The following RIN2 variants were observed in gnomAD, a reference collection of about 807,000 sequenced individuals.
RIN2 encodes the protein RAB5 interacting protein 2.
RIN2 carries 36 observed loss-of-function variants against 78.0 expected under a neutral mutation model. The observed-to-expected ratio is 0.46, with a 90% CI of 0.35 to 0.61. The LOEUF (loss-of-function observed/expected upper bound fraction) is 0.61, where lower values mean the gene tolerates loss of function less well. RIN2 is among the 20% of genes least tolerant of loss of function. The pLI, the probability that RIN2 is intolerant of heterozygous loss-of-function variation, is 0.00. For missense variants in RIN2, 1,087 were observed against 1,159.7 expected, an observed-to-expected ratio of 0.94 and a Z score of 0.91; for synonymous variants, 466 against 466.8, an observed-to-expected ratio of 1.00 and a Z score of 0.02.
intron 8 of RIN2, among the ~76,000 whole-genome samples, chr20:19,972,186 C>G (rs531035535): frequency 6.6e-6 from 1 of 152,304 alleles, no homozygotes; most frequent in East Asian, 1.9e-4. Context: ...GTTGCACCTT[C>G]TCTTGCAACT....
chr20:19,949,479 G>C (rs73605554), intron 4 of RIN2, among the ~76,000 whole-genome samples: 1 of 152,172 alleles, frequency 6.6e-6, no homozygotes, highest in Non-Finnish European at 1.5e-5. Context: ...GACAGAGTAA[G>C]AATTTGTCAT....
intron 5 of RIN2, among the ~76,000 whole-genome samples, chr20:19,959,544 C>T (rs1303012866): frequency 1.4e-4 from 21 of 152,170 alleles, no homozygotes; most frequent in Non-Finnish European, 7.3e-5. Flanking sequence ...CATTCTTCAC[C>T]AGATACCCAA....
At chr20:19,767,957 C>T (rs1186178331) in intron 1 of RIN2, among the ~76,000 whole-genome samples, 4 of 151,312 alleles carry the variant, frequency 2.6e-5, no homozygotes, top group African/African-American at 7.3e-5. Flanking sequence ...AAGTCTCCTG[C>T]GAAACATGGA....
At chr20:19,987,132 T>C (rs2042646499) in intron 9 of RIN2, among the ~76,000 whole-genome samples, 2 of 152,260 alleles carry the variant, frequency 1.3e-5, no homozygotes, top group Non-Finnish European at 2.9e-5. Flanking sequence ...AGCTTTTTCA[T>C]TGAATAAATA....
At chr20:19,915,238 C>G (rs2039636095) in intron 3 of RIN2, among the ~76,000 whole-genome samples, 1 of 152,162 alleles carries the variant, frequency 6.6e-6, no homozygotes, top group African/African-American at 2.4e-5. Context: ...GAAGGGGAGG[C>G]AGCCAATACA....
At chr20:19,890,256 G>A (rs1386802192) in intron 3 of RIN2, among the ~76,000 whole-genome samples, 1 of 152,060 alleles carries the variant, frequency 6.6e-6, no homozygotes, top group Non-Finnish European at 1.5e-5. Flanking sequence ...AGCTTAATGA[G>A]ATAAGATTTT....
At chr20:19,993,297 C>CA (rs2042853476) in intron 11 of RIN2, among the ~76,000 whole-genome samples, 1 of 150,860 alleles carries the variant, frequency 6.6e-6, no homozygotes, top group Admixed American at 6.7e-5. Context: ...CCGTGAGTTT[C>CA]AGTCTGGGCT....
intron 1 of RIN2, among the ~76,000 whole-genome samples, chr20:19,787,544 TG>T (rs375011172): frequency 6.6e-6 from 1 of 151,754 alleles, no homozygotes; most frequent in African/African-American, 2.4e-5. Context: ...TGGAGTCAGA[TG>T]GTTTGAATCC....
chr20:19,887,090 A>G (rs933571555), intron 2 of RIN2, among the ~76,000 whole-genome samples: 17 of 151,674 alleles, frequency 1.1e-4, no homozygotes, highest in African/African-American at 3.9e-4. Flanking sequence ...CAGTGGTGCG[A>G]TCATGGCTCA....
chr20:19,975,273 T>C lies in RIN2; in HGVS notation c.1248T>C (p.Ser416=). The stretch of plus-strand genomic sequence containing the variant: ...GCACAAGGGCCCCGCCGCCCAGCTC[T>C]GAATCACGGCCCCCGTGCCATGGAG... ...GDCTRAPPPS[S]ESRPPCHGGR... Residue 416 remains serine, a synonymous_variant, in exon 9 of 13, where the codon TCT becomes TCC. Coordinates refer to ENST00000255006, the MANE Select transcript of RIN2 (RefSeq NM_018993.4). The surrounding 1 kb of genome is among the most constrained non-coding windows in gnomAD (Gnocchi z 4.9). 1 of 1,593,962 alleles carries C rather than the reference T, an allele frequency of 6.3e-7. No homozygotes were observed. Among genetic ancestry groups the C allele is most frequent in the Non-Finnish European group, 8.5e-7 (1 of 1,170,516 alleles).
chr20:19,779,496 C>T (rs1163148203), intron 1 of RIN2, among the ~76,000 whole-genome samples: 1 of 152,096 alleles, frequency 6.6e-6, no homozygotes, highest in Non-Finnish European at 1.5e-5. Flanking sequence ...GTATAGCTAA[C>T]TTGCTTAGGA....
chr20:19,928,820 C>T (rs1382113598), intron 3 of RIN2, among the ~76,000 whole-genome samples: 2 of 152,144 alleles, frequency 1.3e-5, no homozygotes, highest in African/African-American at 4.8e-5. Flanking sequence ...CCCTGGAAGT[C>T]CCCAGCCAGG....
chr20:19,839,772 C>G (rs1044916821), intron 2 of RIN2, among the ~76,000 whole-genome samples: 1 of 152,172 alleles, frequency 6.6e-6, no homozygotes, highest in Non-Finnish European at 1.5e-5. Flanking sequence ...CACTCACCCT[C>G]TGAATGAATC....
At chr20:19,991,322 C>T (rs1221957562) in intron 10 of RIN2, among the ~76,000 whole-genome samples, 1 of 152,128 alleles carries the variant, frequency 6.6e-6, no homozygotes, top group African/African-American at 2.4e-5. Flanking sequence ...AAAAATTCCC[C>T]AAATAATATC....
At chr20:19,852,348 T>C (rs2123196028) in intron 2 of RIN2, among the ~76,000 whole-genome samples, 1 of 152,324 alleles carries the variant, frequency 6.6e-6, no homozygotes, top group Middle Eastern at 3.4e-3. Flanking sequence ...ATGCAACTGA[T>C]ACTTAAACCA....
At chr20:19,903,271 C>A (rs2039067117) in intron 3 of RIN2, among the ~76,000 whole-genome samples, 1 of 152,020 alleles carries the variant, frequency 6.6e-6, no homozygotes, top group Non-Finnish European at 1.5e-5. Flanking sequence ...CTTGAGGGAT[C>A]ATCGGTGGAG....
rs577651353 is a variant in RIN2, at chr20:19,898,198, A to C, written c.57+8540A>C. On this transcript the variant is annotated intron_variant, in intron 3 of 12. Transcript: ENST00000255006. ...GTTTTATAAATGGTTTTTCCAGTAC[A>C]TTGTGGCCATTCATTTCTGATGCTA... 5.3e-5 allele frequency among the ~76,000 whole-genome samples: 8 copies of C among 152,350 alleles called. No individual in the cohort carries two copies. In the East Asian group the frequency reaches 1.5e-3, roughly 29 times the overall value.
chr20:19,964,843 AGTTT>A, intron 6 of RIN2, 105 bp from the exon 7 acceptor site: 2 of 867,554 alleles, frequency 2.3e-6, no homozygotes, highest in Admixed American at 1.7e-5. Flanking sequence ...GCCACACGGT[AGTTT>A]GTTTGAGAGT....
At chr20:19,855,342 C>G (rs2037129751) in intron 2 of RIN2, among the ~76,000 whole-genome samples, 1 of 152,040 alleles carries the variant, frequency 6.6e-6, no homozygotes, top group Non-Finnish European at 1.5e-5. Context: ...CTAAAATTCA[C>G]TTTTTTTGTT....
Sources: gnomAD v4.1 joint callset for allele counts (sites outside exome capture counted in the v4.1 genomes callset) on GRCh38, gnomAD v4.1.1 for gene constraint, Gnocchi (gnomAD v3.1) non-coding constraint, MANE v1.5 for transcripts, NCBI Gene and HGNC (gene_info 2026-07-23, HGNC 2026-07-21) for gene names.